The following WDR90 variants were observed in gnomAD, a reference collection of about 807,000 sequenced individuals.
WDR90 encodes the protein WD repeat domain 90, also known as WD repeat-containing protein 90.
Under a neutral mutation model 195.2 loss-of-function variants are expected in WDR90, and 238 were observed. The observed-to-expected ratio is 1.22, with a 90% CI of 1.10 to 1.36. The LOEUF is 1.36. Ranked by LOEUF, WDR90 falls within the 40% of genes most tolerant of loss-of-function variation. The probability of loss-of-function intolerance (pLI) is 0.00; values close to 1 mark genes in which losing one functional copy is unlikely to be tolerated. For synonymous variants in WDR90, 1,265 were observed against 1,052.4 expected (o/e 1.20, Z -3.91); for missense variants, 2,734 against 2,439.5 (o/e 1.12, Z -2.54).
At chr16:657,613 C>A in intron 20 of WDR90, 149 bp from the exon 21 acceptor site, 1 of 1,232,024 alleles carries the variant, frequency 8.1e-7, no homozygotes, top group Non-Finnish European at 1.1e-6. Context: ...CCCACTGGCA[C>A]CTTGGCAATC....
rs1393491921 is a variant in WDR90, at chr16:656,405, G to T, written c.2070G>T (p.Arg690=). The T allele has an allele frequency of 6.2e-7, 1 of 1,607,996 alleles. No individual in the cohort carries two copies. The highest frequency in any genetic ancestry group is 1.7e-5 in the Admixed American group (1 of 59,866). ...GHLGFLDTLS[R]VYHMLARSHT... ...TGGGCTTCCTGGACACGCTGTCCCG[G>T]GTGTACCACATGCTGGCTCGCTCCC... is the stretch of plus-strand genomic sequence containing the variant. Residue 690 remains arginine, a synonymous_variant, in exon 18 of 41, where the codon CGG becomes CGT. Transcript: ENST00000293879.
At position 650,333 on chromosome 16, in the gene WDR90, T is replaced by G. The variant is rs112397447; in HGVS notation, c.359T>G (p.Leu120Trp). The change falls in exon 4 of 41, where the codon TTG (leucine) becomes TGG (tryptophan). Residue 120 changes from leucine (L) to tryptophan (W), a missense_variant. Coordinates refer to ENST00000293879, the MANE Select transcript of WDR90 (RefSeq NM_145294.5). ...ACGGCCACGTGGCTCCAGTTTCCCT[T>G]GGTCCTGGAGGCCAGGACACCTCAG... Reference protein sequence around the residue: ...KSTATWLQFPLVLEARTPQRD... With the variant: ...KSTATWLQFPWVLEARTPQRD... 4.0e-5 allele frequency: 64 copies of G among 1,612,890 alleles called. 2 individuals carry two copies. In the African/African-American group the frequency reaches 5.2e-4, roughly 13 times the overall value.
Position 652,519 on chromosome 16 carries a change from G to A in WDR90, c.1106G>A (p.Gly369Asp), listed in dbSNP as rs1173045371. ...LRLKGVIGFG[G>D]HGTRQALWTP... ...CTCAAGGGCGTCATCGGCTTTGGGG[G>A]CCACGGCACCAGACAGGTGAGGCTC... Residue 369 changes from glycine (G) to aspartate (D), a missense_variant, in exon 10 of 41, where the codon GGC (glycine) becomes GAC (aspartate). Physicochemically the swap from Gly to Asp is moderately conservative, Grantham distance 94. Coordinates refer to ENST00000293879, the MANE Select transcript of WDR90 (RefSeq NM_145294.5). The A allele has an allele frequency of 1.2e-6, 2 of 1,609,694 alleles. No individual in the cohort carries two copies. The highest frequency in any genetic ancestry group is 1.7e-6 in the Non-Finnish European group (2 of 1,177,852).
chr16:659,104 G>GGCCCCCCCAGCCT lies in WDR90; in HGVS notation c.3033_3045dup (p.Lys1016ProfsTer195), dbSNP rs1215566388. 1 of 1,612,466 alleles carries GGCCCCCCCAGCCT rather than the reference G, an allele frequency of 6.2e-7. No individual in the cohort carries two copies. The highest frequency in any genetic ancestry group is 8.5e-7 in the Non-Finnish European group (1 of 1,179,988). ...TCTCCAGCGACCAAAGCTTCCCCGG[G>GGCCCCCCCAGCCT]GCCCCCCCAGCCTGCAAGACAGGTG... On this transcript the variant is annotated frameshift_variant, in exon 25 of 41. Transcript: ENST00000293879. LOFTEE classifies it high-confidence loss of function.
chr16:660,615 A>T lies in WDR90; in HGVS notation c.3292A>T (p.Thr1098Ser). Residue 1098 changes from threonine to serine, a missense_variant, in exon 28 of 41, where the codon ACT (threonine) becomes TCT (serine). Thr to Ser is a moderately conservative substitution (Grantham distance 58). Transcript: ENST00000293879. ...VSCSPHSAKG[T>S]CPPPASGGWL... Reference sequence around the variant, plus strand: ...ATCCGGGTCTCCTTCCTCGCAGGGCACTTGCCCGCCTCCCGCCAGCGGTGG... The same window carrying T: ...ATCCGGGTCTCCTTCCTCGCAGGGCTCTTGCCCGCCTCCCGCCAGCGGTGG... 1 of 1,564,614 alleles carries T rather than the reference A, an allele frequency of 6.4e-7. No homozygotes were observed.
At position 656,134 on chromosome 16, in the gene WDR90, C is replaced by T. The variant is rs1053799021; in HGVS notation, c.1967-168C>T. On this transcript the variant is annotated intron_variant, in intron 17 of 40. Coordinates refer to ENST00000293879, the MANE Select transcript of WDR90 (RefSeq NM_145294.5). ...GTGAAGCCCCTCAGCCTGGGTCCCG[C>T]CTAGCCTAAGAGTGGTGGCCTCGAG... 9 of 783,448 alleles carry T rather than the reference C, an allele frequency of 1.1e-5. No homozygotes were observed. In the East Asian group the frequency reaches 2.4e-4, roughly 21 times the overall value. The allele number at this position is 783,448 out of a possible 1,614,324, so 48.5% of individuals were successfully genotyped here.
At chr16:656,263 G>A (rs1486080695) in intron 17 of WDR90, 39 bp from the exon 18 acceptor site, 1 of 1,572,788 alleles carries the variant, frequency 6.4e-7, no homozygotes, top group African/African-American at 1.3e-5. Context: ...GCTCACCCCG[G>A]GGTGGCCCTG....
rs749997736 is a variant in WDR90, at chr16:661,589, C to T, written c.3674-8C>T. On this transcript the variant is annotated splice_polypyrimidine_tract_variant and splice_region_variant and intron_variant, in intron 30 of 40. Transcript: ENST00000293879. ...GCACCTGACGTGGCTGCTCTGTGTC[C>T]TTCCCAGGGGACCACGATGGCCGCA... 21 of 1,583,310 alleles carry T rather than the reference C, an allele frequency of 1.3e-5. No homozygotes were observed. Among genetic ancestry groups the T allele is most frequent in the Middle Eastern group, 3.4e-4 (2 of 5,958 alleles).
In WDR90 at chr16:661,784, T is replaced by C; in HGVS notation, c.3861T>C (p.Leu1287=). The C allele has an allele frequency of 6.3e-7, 1 of 1,598,238 alleles. No individual in the cohort carries two copies. The highest frequency in any genetic ancestry group is 8.5e-7 in the Non-Finnish European group (1 of 1,170,958). Residue 1287 remains leucine, a synonymous_variant, in exon 31 of 41, where the codon CTT becomes CTC. Coordinates refer to ENST00000293879, the MANE Select transcript of WDR90 (RefSeq NM_145294.5). ...LLQQRGADIS[L]QVRREPVPEA... ...AGCAGCGTGGGGCAGACATCAGCCT[T>C]CAGGTGCCACCCGTTCAGCGTTTGG...
At position 667,684 on chromosome 16, in the gene WDR90, A is replaced by C. The variant is rs756305991; in HGVS notation, c.*95A>C. 2.7e-5 allele frequency: 42 copies of C among 1,550,110 alleles called. No individual in the cohort carries two copies. The highest frequency in any genetic ancestry group is 3.5e-5 in the Non-Finnish European group (40 of 1,147,382). Reference sequence around the variant, plus strand: ...GAGGCGCCAGGTTGTCAATGGCCTCATGCTGGGACAGGCCAGGATTCACGT... The same window carrying C: ...GAGGCGCCAGGTTGTCAATGGCCTCCTGCTGGGACAGGCCAGGATTCACGT... On this transcript the variant is annotated 3_prime_UTR_variant, in exon 41 of 41. Coordinates refer to ENST00000293879, the MANE Select transcript of WDR90 (RefSeq NM_145294.5).
rs755377817 is a variant in WDR90 at position 656,552 on chromosome 16, G to C, written c.2202+15G>C. ...CCCTGCAGCAGGTGGGGTTTGGCAG[G>C]GGCAGCACGGCAGGGAGGGCCGGGA... On this transcript the variant is annotated intron_variant, in intron 18 of 40. Transcript: ENST00000293879. 3.8e-6 allele frequency: 6 copies of C among 1,563,100 alleles called. No individual in the cohort carries two copies. Among genetic ancestry groups the C allele is most frequent in the Middle Eastern group, 1.7e-4 (1 of 5,888 alleles).
Position 659,340 on chromosome 16 carries a change from CTGGGCGT to C in WDR90, c.3149_3155del (p.Leu1050ProfsTer59). ...GCCATGTCAGGCATCTCCACCACGG[CTGGGCGT>C]CTGTGCCAGGCCTCCCGAAGGTGGC... On this transcript the variant is annotated frameshift_variant, in exon 26 of 41. Transcript: ENST00000293879. LOFTEE classifies it high-confidence loss of function. The C allele has an allele frequency of 1.3e-6, 2 of 1,594,924 alleles. No individual in the cohort carries two copies. Among genetic ancestry groups the C allele is most frequent in the Non-Finnish European group, 1.7e-6 (2 of 1,171,768 alleles).
chr16:649,363 G>A, upstream of WDR90: 6 of 1,328,048 alleles, frequency 4.5e-6, no homozygotes, highest in Middle Eastern at 2.2e-4. Flanking sequence ...GTCGCGGGGC[G>A]TACTCTGCGC....
At position 656,520 on chromosome 16, in the gene WDR90, C is replaced by T. The variant is rs1287145232; in HGVS notation, c.2185C>T (p.Leu729=). ...SQDRTVRIWD[L]ATLQQLYDFT... ...GGACCGTACCGTCCGCATCTGGGAC[C>T]TGGCCACCCTGCAGCAGGTGGGGTT... is the stretch of plus-strand genomic sequence containing the variant. Residue 729 remains leucine (L), a synonymous_variant, in exon 18 of 41, where the codon CTG becomes TTG. Coordinates refer to ENST00000293879, the MANE Select transcript of WDR90 (RefSeq NM_145294.5). 2 of 1,569,594 alleles carry T rather than the reference C, an allele frequency of 1.3e-6. No individual in the cohort carries two copies. The highest frequency in any genetic ancestry group is 4.7e-5 in the East Asian group (2 of 42,602).
rs749625063 is a variant in WDR90, at chr16:650,082, T to TG, written c.198dup (p.Leu67AlafsTer44). 1 of 1,613,066 alleles carries TG rather than the reference T, an allele frequency of 6.2e-7. No individual in the cohort carries two copies. The highest frequency in any genetic ancestry group is 1.3e-5 in the African/African-American group (1 of 75,062). Reference sequence around the variant, plus strand: ...CTCCCTAAGAGCAGCACCCAGTCTCTGGGGCTGACGGGACGATACCTGTAT... The same window carrying TG: ...CTCCCTAAGAGCAGCACCCAGTCTCTGGGGGCTGACGGGACGATACCTGTAT... On this transcript the variant is annotated frameshift_variant, in exon 3 of 41. Coordinates refer to ENST00000293879, the MANE Select transcript of WDR90 (RefSeq NM_145294.5). LOFTEE classifies it high-confidence loss of function.
rs1450243355 is a variant in WDR90 at position 658,078 on chromosome 16, G to C, written c.2605-105G>C. 16 of 1,488,526 alleles carry C rather than the reference G, an allele frequency of 1.1e-5. No homozygotes were observed. In the African/African-American group the frequency reaches 2.2e-4, roughly 21 times the overall value. The allele number at this position is 1,488,526 out of a possible 1,614,324, so 92.2% of individuals were successfully genotyped here. A position where few individuals can be genotyped will look rare whatever the true frequency, so the allele number is the denominator to read the frequency against. ...TTCCTGTGCAGGGCAGGTGCTGCCT[G>C]GGTGCCGAGTGCGTGTCCCCGGGAC... On this transcript the variant is annotated intron_variant, in intron 21 of 40. Transcript: ENST00000293879.
Position 656,293 on chromosome 16 carries a change from C to T in WDR90, c.1967-9C>T, listed in dbSNP as rs1363682841. 1 of 1,602,206 alleles carries T rather than the reference C, an allele frequency of 6.2e-7. No homozygotes were observed. Among genetic ancestry groups the T allele is most frequent in the East Asian group, 2.2e-5 (1 of 44,752 alleles). The stretch of plus-strand genomic sequence containing the variant: ...GCCCTGGAGGCCCCTGACCCCACCC[C>T]ACCCACAGAGCACGAGGGCCCCGTC... On this transcript the variant is annotated splice_polypyrimidine_tract_variant and intron_variant, in intron 17 of 40. Coordinates refer to ENST00000293879, the MANE Select transcript of WDR90 (RefSeq NM_145294.5).
chr16:661,395 C>A lies in WDR90; in HGVS notation c.3567C>A (p.Arg1189=), dbSNP rs373008237. 1 of 1,611,778 alleles carries A rather than the reference C, an allele frequency of 6.2e-7. No homozygotes were observed. The highest frequency in any genetic ancestry group is 1.3e-5 in the African/African-American group (1 of 74,966). Residue 1189 remains arginine, a synonymous_variant, in exon 30 of 41, where the codon CGC becomes CGA. Coordinates refer to ENST00000293879, the MANE Select transcript of WDR90 (RefSeq NM_145294.5). Reference sequence around the variant, plus strand: ...GCACGACCGCCCATTGTCAGATCCGCGTCTGGGACGTGTCTGGCGGCCTCT... The same window carrying A: ...GCACGACCGCCCATTGTCAGATCCGAGTCTGGGACGTGTCTGGCGGCCTCT... ...RSSTTAHCQI[R]VWDVSGGLCQ... is the part of the protein sequence containing the mutation.
chr16:665,516 C>A, intron 34 of WDR90, 163 bp from the exon 35 acceptor site: 2 of 1,105,040 alleles, frequency 1.8e-6, no homozygotes, highest in Non-Finnish European at 2.6e-6. Context: ...GGGACACACA[C>A]GGGGGCCGGC....
Sources: allele counts gnomAD v4.1 joint callset, GRCh38; gene constraint gnomAD v4.1.1; transcripts MANE v1.5; gene names NCBI Gene and HGNC (gene_info 2026-07-23, HGNC 2026-07-21).